The following ELFN1 variants were observed in gnomAD, a reference collection of about 807,000 sequenced individuals.
The protein encoded by ELFN1 is extracellular leucine rich repeat and fibronectin type III domain containing 1, also known as protein ELFN1.
ELFN1 carries 6 observed loss-of-function variants against 7.6 expected under a neutral mutation model. The ratio of observed to expected loss-of-function variants is 0.79; its 90% CI spans 0.43 to 1.56. ELFN1 has a LOEUF of 1.56. ELFN1 is among the 40% of genes most tolerant of loss of function. The pLI is 0.01. For synonymous variants in ELFN1, 657 were observed against 588.1 expected (o/e 1.12, Z -1.70); for missense variants, 1,169 against 1,232.2 (o/e 0.95, Z 0.77).
At chr7:1,743,229 C>T (rs1780679016) in intron 3 of ELFN1, among the ~76,000 whole-genome samples, 1 of 152,218 alleles carries the variant, frequency 6.6e-6, no homozygotes, top group African/African-American at 2.4e-5. Flanking sequence ...CCAGGCTCAG[C>T]AGACACTAGG....
intron 3 of ELFN1, among the ~76,000 whole-genome samples, chr7:1,737,654 C>T (rs1005905624): frequency 7.9e-5 from 12 of 152,142 alleles, no homozygotes; most frequent in Non-Finnish European, 1.6e-4. Flanking sequence ...ACACCACCTC[C>T]CCGCAGCCCT....
chr7:1,678,424 T>C (rs1323343871), intron 1 of ELFN1, among the ~76,000 whole-genome samples: 1 of 152,172 alleles, frequency 6.6e-6, no homozygotes, highest in African/African-American at 2.4e-5. Flanking sequence ...CTGGGAATCT[T>C]CACACAGCCC....
chr7:1,680,119 C>T (rs1212813661), intron 1 of ELFN1, among the ~76,000 whole-genome samples: 1 of 152,216 alleles, frequency 6.6e-6, no homozygotes, highest in Non-Finnish European at 1.5e-5. Context: ...ATGCTGGGCT[C>T]CGTGGTCTGG....
intron 2 of ELFN1, among the ~76,000 whole-genome samples, chr7:1,707,991 G>A (rs903841346): frequency 2.0e-5 from 3 of 152,150 alleles, no homozygotes; most frequent in Admixed American, 2.0e-4. Flanking sequence ...GGGCGCGGAT[G>A]CGGCAGAGCC....
At chr7:1,716,021 C>T (rs1483022876) in intron 3 of ELFN1, among the ~76,000 whole-genome samples, 1 of 152,346 alleles carries the variant, frequency 6.6e-6, no homozygotes, top group Non-Finnish European at 1.5e-5. Flanking sequence ...CCATTGCTCA[C>T]CAGCTGTGCA....
chr7:1,729,301 A>G (rs1046676049), intron 3 of ELFN1, among the ~76,000 whole-genome samples: 10 of 152,206 alleles, frequency 6.6e-5, no homozygotes, highest in Non-Finnish European at 1.3e-4. Context: ...CTGTCCCACA[A>G]AGTCCTGCAC....
chr7:1,677,872 G>A (rs1778901902), intron 1 of ELFN1, among the ~76,000 whole-genome samples: 1 of 152,098 alleles, frequency 6.6e-6, no homozygotes, highest in Non-Finnish European at 1.5e-5. Context: ...TCTGGGAGCG[G>A]CCGGCTCCCC....
At chr7:1,730,262 T>C (rs1306470442) in intron 3 of ELFN1, among the ~76,000 whole-genome samples, 2 of 152,094 alleles carry the variant, frequency 1.3e-5, no homozygotes, top group Non-Finnish European at 2.9e-5. Flanking sequence ...CCGGAACACA[T>C]CCACTGGGGA....
chr7:1,723,663 G>A (rs1048300487), intron 3 of ELFN1, among the ~76,000 whole-genome samples: 2 of 152,110 alleles, frequency 1.3e-5, no homozygotes, highest in Non-Finnish European at 2.9e-5. Context: ...CCCCGGCCTG[G>A]GGCTTGGGCT....
At chr7:1,689,541 G>T (rs775097011) in intron 2 of ELFN1, among the ~76,000 whole-genome samples, 5 of 152,210 alleles carry the variant, frequency 3.3e-5, no homozygotes, top group Admixed American at 6.5e-5. Context: ...GGCAGGCCTG[G>T]TTCCACCTTT....
At chr7:1,666,269 G>A (rs1212401551), upstream of ELFN1, among the ~76,000 whole-genome samples, 2 of 151,836 alleles carry the variant, frequency 1.3e-5, no homozygotes, top group Admixed American at 1.3e-4. This position sits in a 1 kb window ranked among gnomAD's most constrained non-coding sequence, Gnocchi z 7.9. Context: ...GGGAGGCAGG[G>A]AAGAGGATGC....
At chr7:1,729,332 T>G (rs539219950) in intron 3 of ELFN1, among the ~76,000 whole-genome samples, 14 of 152,270 alleles carry the variant, frequency 9.2e-5, no homozygotes, top group African/African-American at 2.9e-4. Context: ...AGGGCCAGCT[T>G]CTTTTGCTCA....
At position 1,670,912 on chromosome 7, in the gene ELFN1, C is replaced by CT. The variant is rs767664581; in HGVS notation, c.-549+559dup. ...GGGTCACATTCCTCGGTCCCAGCCC[C>CT]TGAGTCCAACCACTGGCGGGGGGGT... On this transcript the variant is annotated intron_variant, in intron 1 of 3. Coordinates refer to ENST00000424383, the MANE Select transcript of ELFN1 (RefSeq NM_001128636.4). This position sits in a 1 kb window ranked among gnomAD's most constrained non-coding sequence, Gnocchi z 6.4. Among the ~76,000 whole-genome samples, 36 of 146,036 alleles carry CT rather than the reference C, an allele frequency of 2.5e-4. No homozygotes were observed. In the South Asian group the frequency reaches 3.1e-3, roughly 13 times the overall value.
chr7:1,689,423 CAG>C (rs1779115693), intron 2 of ELFN1, among the ~76,000 whole-genome samples: 1 of 152,180 alleles, frequency 6.6e-6, no homozygotes, highest in Non-Finnish European at 1.5e-5. Flanking sequence ...GGGAGGAACA[CAG>C]ATTCCCGGCT....
At chr7:1,680,888 C>T (rs528569980) in intron 1 of ELFN1, among the ~76,000 whole-genome samples, 1 of 151,946 alleles carries the variant, frequency 6.6e-6, no homozygotes. Context: ...ATTACAGGCG[C>T]CCACCACCAT....
Position 1,745,751 on chromosome 7 carries a change from C to T in ELFN1, c.1155C>T (p.Ser385=), listed in dbSNP as rs187512807. 2.5e-4 allele frequency: 395 copies of T among 1,551,432 alleles called. No homozygotes were observed. The African/African-American group carries it at 3.5e-3, about 14-fold the overall frequency. Residue 385 remains serine (S), a synonymous_variant, in exon 4 of 4, where the codon AGC becomes AGT. Coordinates refer to ENST00000424383, the MANE Select transcript of ELFN1 (RefSeq NM_001128636.4). ...ACACCTACTGCGTGGTGTCCACCAGCGCCGGGCTGCGCCACAACCACACCT... is the reference window on the plus strand; with the variant it reads ...ACACCTACTGCGTGGTGTCCACCAGTGCCGGGCTGCGCCACAACCACACCT... ...TNYTYCVVST[S]AGLRHNHTCL... is the part of the protein sequence containing the mutation.
chr7:1,672,495 G>C (rs1232128439), intron 1 of ELFN1, among the ~76,000 whole-genome samples: 1 of 152,142 alleles, frequency 6.6e-6, no homozygotes, highest in African/African-American at 2.4e-5. Flanking sequence ...ATGTATACTT[G>C]TAGGCTTCAC....
At chr7:1,693,143 A>G (rs768021588) in intron 2 of ELFN1, 12 of 351,808 alleles carry the variant, frequency 3.4e-5, no homozygotes, top group African/African-American at 2.6e-4. Flanking sequence ...GTGACTGCCC[A>G]TGCAGACCCC....
intron 3 of ELFN1, among the ~76,000 whole-genome samples, chr7:1,715,632 T>C (rs565849357): frequency 6.6e-6 from 1 of 152,238 alleles, no homozygotes; most frequent in South Asian, 2.1e-4. Context: ...CTTCTGCTCC[T>C]AGATCTTCAT....
Sources: gnomAD v4.1 joint callset for allele counts (sites outside exome capture counted in the v4.1 genomes callset) on GRCh38, gnomAD v4.1.1 for gene constraint, Gnocchi (gnomAD v3.1) non-coding constraint, MANE v1.5 for transcripts, NCBI Gene and HGNC (gene_info 2026-07-23, HGNC 2026-07-21) for gene names.